NDEL1: variants seen among roughly 807,000 people sequenced by gnomAD.
NDEL1 encodes the protein nuclear distribution protein nudE-like 1.
In NDEL1, 9 loss-of-function variants were observed where a neutral mutation model predicts 45.7. The observed-to-expected ratio is 0.20, with a 90% CI of 0.12 to 0.34. The LOEUF (loss-of-function observed/expected upper bound fraction) is 0.34, where lower values mean the gene tolerates loss of function less well. Ranked by LOEUF, NDEL1 falls within the 10% of genes least tolerant of loss-of-function variation. The pLI is 1.00. For synonymous variants in NDEL1, 133 were observed against 158.6 expected, an observed-to-expected ratio of 0.84 and a Z score of 1.21; for missense variants, 306 against 406.2, an observed-to-expected ratio of 0.75 and a Z score of 2.12.
At chr17:8,441,981 C>T (rs546990273) in intron 1 of NDEL1, among the ~76,000 whole-genome samples, 1 of 152,212 alleles carries the variant, frequency 6.6e-6, no homozygotes, top group African/African-American at 2.4e-5. Flanking sequence ...TCTGTTTCCT[C>T]TCAGTTCACT....
At chr17:8,414,071 A>G (rs1409329106) in intron 1 of NDEL1, among the ~76,000 whole-genome samples, 3 of 151,976 alleles carry the variant, frequency 2.0e-5, no homozygotes, top group Non-Finnish European at 4.4e-5. Flanking sequence ...TTTTCACTTA[A>G]TAGTATCTCT....
intron 1 of NDEL1, among the ~76,000 whole-genome samples, chr17:8,422,865 AG>A (rs1387568694): frequency 6.6e-6 from 1 of 151,886 alleles, no homozygotes; most frequent in Non-Finnish European, 1.5e-5. Flanking sequence ...CCTCCTGAGC[AG>A]CTGGGATTAC....
chr17:8,459,105 A>G (rs534938160), intron 7 of NDEL1, among the ~76,000 whole-genome samples: 3 of 152,264 alleles, frequency 2.0e-5, no homozygotes, highest in South Asian at 4.1e-4. Flanking sequence ...AAAGTGAAGT[A>G]TATGTTACCT....
chr17:8,446,791 A>G lies in NDEL1; in HGVS notation c.278A>G (p.Gln93Arg). The G allele has an allele frequency of 6.2e-7, 1 of 1,614,178 alleles. No individual in the cohort carries two copies. The highest frequency in any genetic ancestry group is 8.5e-7 in the Non-Finnish European group (1 of 1,180,028). The change falls in exon 4 of 9, where the codon CAG becomes CGG. Residue 93 changes from glutamine (Q) to arginine (R), a missense_variant. Transcript: ENST00000334527. ...LEHQYAQSYK[Q>R]VSVLEDDLSQ... ...CATCAATATGCACAGAGCTATAAGC[A>G]GGTCTCAGTGTTAGAAGATGATTTA... is the stretch of plus-strand genomic sequence containing the variant.
chr17:8,450,298 A>AC (rs200827330), intron 5 of NDEL1, among the ~76,000 whole-genome samples: 26,698 of 151,574 alleles, frequency 0.18, 3,074 homozygotes, highest in Admixed American at 0.3. Flanking sequence ...CAAAAAAAAA[A>AC]AAAAACGCTC....
At chr17:8,435,416 A>T (rs1245330179), upstream of NDEL1, among the ~76,000 whole-genome samples, 1 of 152,258 alleles carries the variant, frequency 6.6e-6, no homozygotes. Flanking sequence ...GAACAAATAC[A>T]AAATGTAAAC....
At position 8,444,319 on chromosome 17, in the gene NDEL1, T is replaced by C; in HGVS notation, c.48T>C (p.Thr16=). 6.2e-7 allele frequency: 1 copy of C among 1,613,612 alleles called. No individual in the cohort carries two copies. Among genetic ancestry groups the C allele is most frequent in the Non-Finnish European group, 8.5e-7 (1 of 1,179,690 alleles). ...ATTTTTCAAGTTTAAAGGAGGAAAC[T>C]GCTTATTGGAAGGAACTTTCCTTGA... is the stretch of plus-strand genomic sequence containing the variant. ...IPDFSSLKEE[T]AYWKELSLKY... The change falls in exon 2 of 9, where the codon ACT becomes ACC. Residue 16 remains threonine (T), a synonymous_variant. Coordinates refer to ENST00000334527, the MANE Select transcript of NDEL1 (RefSeq NM_030808.5).
chr17:8,453,947 G>T (rs1910675855), intron 6 of NDEL1, among the ~76,000 whole-genome samples: 1 of 152,120 alleles, frequency 6.6e-6, no homozygotes, highest in South Asian at 2.1e-4. Flanking sequence ...TTAGTTTATA[G>T]TTATAGTGCT....
intron 1 of NDEL1, among the ~76,000 whole-genome samples, chr17:8,424,113 C>T (rs575095325): frequency 2.0e-5 from 3 of 152,274 alleles, no homozygotes; most frequent in Non-Finnish European, 4.4e-5. Context: ...ACTGTGATCT[C>T]ACCTCATTTT....
downstream of NDEL1, among the ~76,000 whole-genome samples, chr17:8,471,251 A>G (rs1687377478): frequency 6.6e-6 from 1 of 152,326 alleles, no homozygotes; most frequent in African/African-American, 2.4e-5. Flanking sequence ...CCGAGGTTCA[A>G]GCGATTCTCC....
chr17:8,449,605 C>G (rs1308206271), intron 5 of NDEL1, among the ~76,000 whole-genome samples: 1 of 152,222 alleles, frequency 6.6e-6, no homozygotes, highest in Non-Finnish European at 1.5e-5. Context: ...TCTATGAGTT[C>G]AGCTACTTTA....
chr17:8,428,526 G>A (rs1397092632), intron 1 of NDEL1, among the ~76,000 whole-genome samples: 8 of 151,136 alleles, frequency 5.3e-5, no homozygotes, highest in Admixed American at 1.3e-4. Flanking sequence ...CACCACACCC[G>A]GCTACTTTTT....
At chr17:8,459,779 T>G (rs569290129) in intron 7 of NDEL1, among the ~76,000 whole-genome samples, 1 of 152,298 alleles carries the variant, frequency 6.6e-6, no homozygotes, top group South Asian at 2.1e-4. Flanking sequence ...TTATATGTAT[T>G]TCCTTCAGTA....
At chr17:8,415,810 C>T (rs118031148) in intron 1 of NDEL1, among the ~76,000 whole-genome samples, 84 of 152,100 alleles carry the variant, frequency 5.5e-4, no homozygotes, top group Admixed American at 1.0e-3. Context: ...TGTGATGGCG[C>T]GATCTCAGTT....
chr17:8,440,531 AAG>A (rs1415641395), intron 1 of NDEL1, among the ~76,000 whole-genome samples: 3 of 151,928 alleles, frequency 2.0e-5, no homozygotes, highest in African/African-American at 7.3e-5. Flanking sequence ...AAAAAAAAAA[AAG>A]AATGTGTGTG....
intron 1 of NDEL1, among the ~76,000 whole-genome samples, chr17:8,424,996 A>G (rs1247634030): frequency 1.3e-5 from 2 of 152,184 alleles, no homozygotes; most frequent in African/African-American, 2.4e-5. Context: ...TGTTTGATAC[A>G]GGCTGCTAAA....
intron 6 of NDEL1, among the ~76,000 whole-genome samples, chr17:8,451,348 G>A (rs1252480659): frequency 6.6e-6 from 1 of 152,116 alleles, no homozygotes; most frequent in Non-Finnish European, 1.5e-5. Flanking sequence ...TTGTGTGCTT[G>A]TGTGTGTTTG....
intron 1 of NDEL1, among the ~76,000 whole-genome samples, chr17:8,439,565 CCTG>C (rs762119953): frequency 6.6e-6 from 1 of 152,008 alleles, no homozygotes; most frequent in African/African-American, 2.4e-5. Context: ...GCTTTGTTCG[CCTG>C]CTTTGTTCTT....
At chr17:8,428,965 GC>G (rs1908936197) in intron 1 of NDEL1, among the ~76,000 whole-genome samples, 1 of 152,104 alleles carries the variant, frequency 6.6e-6, no homozygotes, top group African/African-American at 2.4e-5. Flanking sequence ...GAGCCACCGC[GC>G]CCGGCCTATT....
Sources: gnomAD v4.1 joint callset for allele counts (sites outside exome capture counted in the v4.1 genomes callset) on GRCh38, gnomAD v4.1.1 for gene constraint, MANE v1.5 for transcripts, NCBI Gene and HGNC (gene_info 2026-07-23, HGNC 2026-07-21) for gene names.